The following BRCA1 variants were observed in gnomAD, a reference collection of about 807,000 sequenced individuals.
BRCA1 encodes the protein BRCA1 DNA repair associated, also known as breast cancer type 1 susceptibility protein.
BRCA1 carries 140 observed loss-of-function variants against 173.7 expected under a neutral mutation model. The observed-to-expected ratio is 0.81, with a 90% confidence interval of 0.70 to 0.93. The LOEUF is 0.93. Among genes scored for constraint, BRCA1 ranks in the 40% least tolerant of loss-of-function variants. BRCA1 has a pLI of 0.00. For missense variants in BRCA1, 1,983 were observed against 2,172.5 expected (o/e 0.91, Z 1.73); for synonymous variants, 662 against 756.0 (o/e 0.88, Z 2.04).
At position 43,044,342 on chromosome 17, in the gene BRCA1, T is replaced by C. The variant is rs1233730333; in HGVS notation, c.*1336A>G. On this transcript the variant is annotated 3_prime_UTR_variant, in exon 23 of 23. Coordinates refer to ENST00000357654, the MANE Select transcript of BRCA1 (RefSeq NM_007294.4). ...TATTTGCAGTGTTAACAGCACAACA[T>C]TTACAAAACGTATTTTGTACAATCA... 6.1e-6 allele frequency: 3 copies of C among 495,214 alleles called. No homozygotes were observed. Among genetic ancestry groups the C allele is most frequent in the African/African-American group, 3.9e-5 (2 of 51,702 alleles). 30.7% of individuals were successfully genotyped at this position (495,214 alleles called of 1,614,324 possible).
rs763051683 is a variant in BRCA1, at chr17:43,094,261, C to G, written c.1270G>C (p.Gly424Arg). The G allele has an allele frequency of 6.2e-7, 1 of 1,614,058 alleles. No individual in the cohort carries two copies. The highest frequency in any genetic ancestry group is 8.5e-7 in the Non-Finnish European group (1 of 1,180,012). Residue 424 changes from glycine (G) to arginine (R), a missense_variant, in exon 10 of 23, where the codon GGT becomes CGT. Coordinates refer to ENST00000357654, the MANE Select transcript of BRCA1 (RefSeq NM_007294.4). ...AGTAAGTCTATTTTCTCTGAAGAAC[C>G]AGAATATTCATCTACCTCATTTAGA... ...DVLNEVDEYS[G>R]SSEKIDLLAS...
At chr17:43,124,896 G>A in intron 1 of BRCA1, 1 of 315,644 alleles carries the variant, frequency 3.2e-6, no homozygotes, top group Non-Finnish European at 6.3e-6. Context: ...AGCTGGAGCG[G>A]CACCACGCCC....
intron 3 of BRCA1, among the ~76,000 whole-genome samples, chr17:43,109,940 G>T (rs1254513953): frequency 6.6e-6 from 1 of 151,342 alleles, no homozygotes; most frequent in Non-Finnish European, 1.5e-5. Flanking sequence ...TGTCTCTCAG[G>T]CTGGAGTGCA....
upstream of BRCA1, among the ~76,000 whole-genome samples, chr17:43,129,493 T>C (rs1454426529): frequency 6.6e-6 from 1 of 152,070 alleles, no homozygotes; most frequent in African/African-American, 2.4e-5. Context: ...TTTTTGAGAC[T>C]GAGTCTCGCT....
chr17:43,091,282 T>C (rs759414756), intron 10 of BRCA1, 153 bp downstream of exon 10: 3 of 1,095,312 alleles, frequency 2.7e-6, no homozygotes, highest in South Asian at 2.7e-5. Flanking sequence ...CTTTTTTCTA[T>C]GAAAAGCACC....
chr17:43,050,435 C>T (rs542844842), intron 20 of BRCA1, among the ~76,000 whole-genome samples: 35 of 151,590 alleles, frequency 2.3e-4, no homozygotes, highest in Non-Finnish European at 3.1e-4. Flanking sequence ...GGTGAAACCC[C>T]GTCTCTACTA....
intron 1 of BRCA1, among the ~76,000 whole-genome samples, chr17:43,137,858 C>CA (rs997442914): frequency 6.6e-6 from 1 of 151,816 alleles, no homozygotes; most frequent in African/African-American, 2.4e-5. Context: ...GCCTGGGTGA[C>CA]AGAGTAAGAC....
At chr17:43,066,027 T>C (rs1317353390) in intron 16 of BRCA1, among the ~76,000 whole-genome samples, 1 of 152,230 alleles carries the variant, frequency 6.6e-6, no homozygotes, top group African/African-American at 2.4e-5. Flanking sequence ...GCACGGTGCT[T>C]AAAACTGACA....
chr17:43,119,751 A>G (rs551539557), intron 2 of BRCA1, among the ~76,000 whole-genome samples: 1 of 152,320 alleles, frequency 6.6e-6, no homozygotes, highest in East Asian at 1.9e-4. Context: ...TTCTCCGTAA[A>G]AGAAAAATTG....
chr17:43,129,611 C>CTA, upstream of BRCA1, among the ~76,000 whole-genome samples: 1 of 151,830 alleles, frequency 6.6e-6, no homozygotes, highest in Middle Eastern at 3.4e-3. Flanking sequence ...GTAGCTGGGA[C>CTA]TACAGGCACC....
At chr17:43,049,092 C>T (rs1399767823) in intron 21 of BRCA1, 29 bp downstream of exon 21, 1 of 1,602,446 alleles carries the variant, frequency 6.2e-7, no homozygotes, top group South Asian at 1.1e-5. Context: ...ATTGTGTCCT[C>T]CCTCTCTGAC....
chr17:43,144,456 A>G (rs1310434363), intron 1 of BRCA1, among the ~76,000 whole-genome samples: 2 of 152,100 alleles, frequency 1.3e-5, no homozygotes, highest in Non-Finnish European at 2.9e-5. Flanking sequence ...AGAGGGCACC[A>G]AGAACAACGA....
chr17:43,067,444 C>CG (rs2052142572), intron 16 of BRCA1, 164 bp downstream of exon 16: 1 of 562,890 alleles, frequency 1.8e-6, no homozygotes, highest in African/African-American at 1.9e-5. Flanking sequence ...TTAGTAGAGA[C>CG]GGGGTTTCAC....
chr17:43,126,939 G>A (rs946121464), upstream of BRCA1, among the ~76,000 whole-genome samples: 19 of 152,112 alleles, frequency 1.2e-4, no homozygotes, highest in Non-Finnish European at 2.5e-4. Context: ...CCCCGGCCCC[G>A]GGCAGTCAGG....
rs35434143 is a variant in BRCA1, at chr17:43,159,852, A to T, written c.-20+10274T>A. ...AAGAATGATCAATTAAAAAAATAAA[A>T]AAATAAATAAATGTGAACAGTACAG... On this transcript the variant is annotated intron_variant, in intron 1 of 7. Transcript: ENST00000634433. The T allele has an allele frequency of 4.1e-3, 645 of 156,504 alleles. 2 individuals are homozygous for T. The highest frequency in any genetic ancestry group is 0.018 in the Admixed American group (283 of 15,400). 9.7% of individuals were successfully genotyped at this position (156,504 alleles called of 1,614,324 possible).
chr17:43,168,444 C>T (rs923541798), intron 1 of BRCA1, among the ~76,000 whole-genome samples: 11 of 152,270 alleles, frequency 7.2e-5, no homozygotes, highest in African/African-American at 2.2e-4. Flanking sequence ...TCAAGACCAG[C>T]CTGACCAATA....
rs886040230 is a variant in BRCA1, at chr17:43,076,564, C to A, written c.4408G>T (p.Glu1470Ter). The A allele has an allele frequency of 6.2e-7, 1 of 1,613,674 alleles. No individual in the cohort carries two copies. The highest frequency in any genetic ancestry group is 1.3e-5 in the African/African-American group (1 of 74,986). ...SSEYPISQNPEGLSADKFEVS... is the reference protein window; with the variant it reads ...SSEYPISQNP The stretch of plus-strand genomic sequence containing the variant: ...TCAAACTTGTCAGCAGAAAGGCCTT[C>A]TGGATTCTGGCTTATAGGGTATTCA... Residue 1470 changes from glutamate to a stop codon, truncating the protein, a stop_gained, in exon 13 of 23, where the codon GAA becomes TAA. Transcript: ENST00000357654. LOFTEE classifies it high-confidence loss of function.
At chr17:43,095,233 C>T (rs879428316) in intron 9 of BRCA1, among the ~76,000 whole-genome samples, 1 of 152,186 alleles carries the variant, frequency 6.6e-6, no homozygotes, top group Admixed American at 6.6e-5. Flanking sequence ...AGACTTACCA[C>T]TCCCTATATT....
At chr17:43,107,212 C>T (rs1405186385) in intron 3 of BRCA1, among the ~76,000 whole-genome samples, 1 of 149,530 alleles carries the variant, frequency 6.7e-6, no homozygotes, top group East Asian at 2.0e-4. Context: ...CTACAGGCGC[C>T]CAGCACCATG....
Sources: allele counts gnomAD v4.1 joint callset (sites outside exome capture counted in the v4.1 genomes callset), GRCh38; gene constraint gnomAD v4.1.1; transcripts MANE v1.5; gene names NCBI Gene and HGNC (gene_info 2026-07-23, HGNC 2026-07-21).